Variants in DYNC1LI1 observed in about 807,000 individuals in gnomAD.
DYNC1LI1 encodes dynein cytoplasmic 1 light intermediate chain 1.
Under a neutral mutation model 63.8 loss-of-function variants are expected in DYNC1LI1, and 19 were observed. That is an observed-to-expected ratio of 0.30 (90% CI 0.21 to 0.44). The LOEUF is 0.44. DYNC1LI1 is among the 20% of genes least tolerant of loss of function. DYNC1LI1 has a pLI of 1.00. For missense variants in DYNC1LI1, 565 were observed against 630.2 expected (o/e 0.90, Z 1.11); for synonymous variants, 225 against 232.3 (o/e 0.97, Z 0.28).
In DYNC1LI1 at chr3:32,538,006, ATAAT is replaced by A. The variant is rs1314510905; in HGVS notation, c.739-906_739-903del. ...TAATATATATATATAATTTATATAT[ATAAT>A]ATATATATATAATTTATATATATAA... On this transcript the variant is annotated intron_variant, in intron 5 of 12. Coordinates refer to ENST00000273130, the MANE Select transcript of DYNC1LI1 (RefSeq NM_016141.4). 6.0e-3 allele frequency among the ~76,000 whole-genome samples: 248 copies of A among 41,614 alleles called. 25 individuals are homozygous for A. The highest frequency in any genetic ancestry group is 0.027 in the African/African-American group (209 of 7,836). The allele number at this position is 41,614 out of a possible 152,430, so 27.3% of individuals were successfully genotyped here. A position where few individuals can be genotyped will look rare whatever the true frequency, so the allele number is the denominator to read the frequency against.
In DYNC1LI1 at chr3:32,570,359, G is replaced by A. The variant is rs1382813446; in HGVS notation, c.207C>T (p.Asn69=). ...GGGAACACTTACCCAGCAGTAGCAC[G>A]TTCTTCCCCGCAGGGAGCTTGGAGC... The part of the protein sequence containing the change: ...RSRSKLPAGK[N]VLLLGEDGAG... Residue 69 remains asparagine (N), a synonymous_variant, in exon 2 of 13, where the codon AAC becomes AAT. Coordinates refer to ENST00000273130, the MANE Select transcript of DYNC1LI1 (RefSeq NM_016141.4). The A allele has an allele frequency of 1.3e-6, 2 of 1,594,778 alleles. No homozygotes were observed. The highest frequency in any genetic ancestry group is 1.7e-6 in the Non-Finnish European group (2 of 1,169,384).
intron 1 of DYNC1LI1, 29 bp downstream of exon 1, chr3:32,570,596 G>A (rs765910772): frequency 9.7e-6 from 15 of 1,548,996 alleles, no homozygotes; most frequent in Admixed American, 3.9e-5. Context: ...GGGAGCCAGC[G>A]GGGGCTGAGG....
intron 8 of DYNC1LI1, chr3:32,532,650 T>G (rs929124205): frequency 1.7e-5 from 3 of 178,668 alleles, no homozygotes; most frequent in African/African-American, 7.1e-5. Context: ...GGTTGGAAAG[T>G]TCACAGCTTC....
intron 3 of DYNC1LI1, 122 bp downstream of exon 3, chr3:32,545,727 A>G: frequency 1.3e-6 from 1 of 745,816 alleles, no homozygotes. Flanking sequence ...CTATTTCTTG[A>G]CCAGCATGAC....
chr3:32,550,620 C>T (rs540223938), intron 2 of DYNC1LI1, among the ~76,000 whole-genome samples: 7 of 152,158 alleles, frequency 4.6e-5, no homozygotes, highest in South Asian at 2.1e-4. Flanking sequence ...TTTCACTGGA[C>T]GAATTAATAA....
chr3:32,531,888 T>C (rs527572993), intron 8 of DYNC1LI1: 1 of 152,314 alleles, frequency 6.6e-6, no homozygotes, highest in South Asian at 2.1e-4. Flanking sequence ...TTGCTGAATA[T>C]TTGCATTAAT....
At chr3:32,553,957 G>A (rs2125441940) in intron 2 of DYNC1LI1, among the ~76,000 whole-genome samples, 1 of 152,322 alleles carries the variant, frequency 6.6e-6, no homozygotes, top group South Asian at 2.1e-4. Context: ...TTGTCCTGGT[G>A]CATAAGGAGG....
At chr3:32,566,628 C>T (rs143359239) in intron 2 of DYNC1LI1, 7,601 of 351,818 alleles carry the variant, frequency 0.022, 402 homozygotes, top group East Asian at 0.19. Context: ...ATCCCAGCTA[C>T]GCAGGAGGCT....
intron 2 of DYNC1LI1, among the ~76,000 whole-genome samples, chr3:32,563,880 A>G (rs1442557839): frequency 6.6e-6 from 1 of 152,280 alleles, no homozygotes; most frequent in East Asian, 1.9e-4. Flanking sequence ...TACTTTAAGT[A>G]AAGACTGTTC....
intron 2 of DYNC1LI1, among the ~76,000 whole-genome samples, chr3:32,552,018 T>G (rs574253150): frequency 4.4e-4 from 67 of 152,330 alleles, no homozygotes; most frequent in Non-Finnish European, 7.2e-4. Flanking sequence ...GGATGTCCCA[T>G]GAATACCTCA....
chr3:32,558,403 T>TTAAAAAA (rs1369929115), intron 2 of DYNC1LI1, among the ~76,000 whole-genome samples: 1 of 90,388 alleles, frequency 1.1e-5, no homozygotes, highest in African/African-American at 4.5e-5. Context: ...TTTAAAAATG[T>TTAAAAAA]AAAAAAAAAA....
chr3:32,570,567 G>T (rs1214978478), intron 1 of DYNC1LI1, 58 bp downstream of exon 1: 2 of 1,531,452 alleles, frequency 1.3e-6, no homozygotes, highest in Non-Finnish European at 8.8e-7. Context: ...GGGATCCCGA[G>T]GCGTCCGCGC....
intron 2 of DYNC1LI1, among the ~76,000 whole-genome samples, chr3:32,547,636 T>C (rs1697973956): frequency 6.6e-6 from 1 of 152,138 alleles, no homozygotes; most frequent in African/African-American, 2.4e-5. Flanking sequence ...AAATTCAAAG[T>C]ATCCCAGAGC....
intron 2 of DYNC1LI1, 21 bp from the exon 3 acceptor site, chr3:32,545,986 T>A (rs781357713): frequency 2.1e-6 from 3 of 1,452,644 alleles, no homozygotes; most frequent in Non-Finnish European, 2.9e-6. Context: ...AAAAAAAGGA[T>A]AAATCTTATA....
At chr3:32,538,256 G>A (rs796914145) in intron 5 of DYNC1LI1, among the ~76,000 whole-genome samples, 5 of 147,602 alleles carry the variant, frequency 3.4e-5, no homozygotes, top group South Asian at 2.1e-4. Flanking sequence ...ACATATATAC[G>A]GCACAGAACA....
Position 32,539,942 on chromosome 3 carries a change from G to GC in DYNC1LI1, c.738+1094dup, listed in dbSNP as rs1465111669. ...TGCAGTGGCGCAATCTCGGCTCACT[G>GC]CAAGCTCCACCTCCCGAGTACATGC... On this transcript the variant is annotated intron_variant, in intron 5 of 12. Coordinates refer to ENST00000273130, the MANE Select transcript of DYNC1LI1 (RefSeq NM_016141.4). Among the ~76,000 whole-genome samples the GC allele has an allele frequency of 2.0e-5, 3 of 151,204 alleles. No homozygotes were observed. The East Asian group carries it at 5.8e-4, about 29-fold the overall frequency.
intron 5 of DYNC1LI1, among the ~76,000 whole-genome samples, chr3:32,537,968 ATATATT>A (rs1243315507): frequency 3.7e-4 from 1 of 2,672 alleles, no homozygotes; most frequent in African/African-American, 1.4e-3. Flanking sequence ...TATAATATAT[ATATATT>A]TATATATAAT....
At chr3:32,570,245 G>A in intron 2 of DYNC1LI1, 101 bp downstream of exon 2, 1 of 983,184 alleles carries the variant, frequency 1.0e-6, no homozygotes, top group South Asian at 1.4e-5. Flanking sequence ...GCGGGGCTGG[G>A]CCGGCTGTCC....
chr3:32,534,488 T>A, intron 7 of DYNC1LI1, 23 bp downstream of exon 7: 1 of 1,497,382 alleles, frequency 6.7e-7, no homozygotes, highest in Non-Finnish European at 9.1e-7. Context: ...ATGATAAAAT[T>A]ATATATTTAA....
Sources: allele counts gnomAD v4.1 joint callset (sites outside exome capture counted in the v4.1 genomes callset), GRCh38; gene constraint gnomAD v4.1.1; transcripts MANE v1.5; gene names NCBI Gene and HGNC (gene_info 2026-07-23, HGNC 2026-07-21).